Variants in CSMD1 observed in about 807,000 individuals in gnomAD.
The protein encoded by CSMD1 is CUB and sushi domain-containing protein 1.
CSMD1 carries 213 observed loss-of-function variants against 417.5 expected under a neutral mutation model. The ratio of observed to expected loss-of-function variants is 0.51; its 90% CI spans 0.46 to 0.57. CSMD1 has a LOEUF of 0.57. Ranked by LOEUF, CSMD1 falls within the 20% of genes least tolerant of loss-of-function variation. The pLI is 0.00. For synonymous variants in CSMD1, 2,862 were observed against 1,736.8 expected, an observed-to-expected ratio of 1.65 and a Z score of -16.11; for missense variants, 6,923 against 4,529.7, an observed-to-expected ratio of 1.53 and a Z score of -15.17.
intron 26 of CSMD1, among the ~76,000 whole-genome samples, chr8:3,253,422 A>G (rs1331633925): frequency 2.6e-5 from 4 of 152,070 alleles, no homozygotes; most frequent in Admixed American, 2.0e-4. Context: ...GTTCTTTTAC[A>G]TTTGCTGAGG....
chr8:4,192,972 G>C (rs1221703152), intron 3 of CSMD1, among the ~76,000 whole-genome samples: 5 of 152,238 alleles, frequency 3.3e-5, no homozygotes, highest in East Asian at 1.9e-4. Flanking sequence ...CATAATATTT[G>C]AGTGTTTTGC....
chr8:4,089,668 T>C (rs559335440), intron 3 of CSMD1, among the ~76,000 whole-genome samples: 6 of 152,308 alleles, frequency 3.9e-5, no homozygotes, highest in African/African-American at 1.4e-4. Context: ...ATGGGCTTAG[T>C]AAAGTGCTTA....
chr8:4,894,453 T>G (rs1198417567), intron 1 of CSMD1, among the ~76,000 whole-genome samples: 1 of 151,640 alleles, frequency 6.6e-6, no homozygotes, highest in East Asian at 1.9e-4. Context: ...CTTGGGAGGC[T>G]GAGGCAGGAG....
intron 7 of CSMD1, among the ~76,000 whole-genome samples, chr8:3,620,951 G>C (rs1204000944): frequency 6.6e-6 from 1 of 152,170 alleles, no homozygotes; most frequent in South Asian, 2.1e-4. Flanking sequence ...TGGAGATAGA[G>C]ACTTTAAAGA....
chr8:3,919,493 G>C (rs1404457766), intron 5 of CSMD1, among the ~76,000 whole-genome samples: 1 of 152,084 alleles, frequency 6.6e-6, no homozygotes, highest in Non-Finnish European at 1.5e-5. Flanking sequence ...ATTGGTCTAT[G>C]TGTCTGTTTT....
At chr8:4,592,460 C>T (rs1233269929) in intron 2 of CSMD1, among the ~76,000 whole-genome samples, 1 of 151,976 alleles carries the variant, frequency 6.6e-6, no homozygotes, top group African/African-American at 2.4e-5. Flanking sequence ...GACCTTGACT[C>T]ACTGCAACCT....
At chr8:3,073,652 T>C (rs1339293884) in intron 49 of CSMD1, among the ~76,000 whole-genome samples, 2 of 152,132 alleles carry the variant, frequency 1.3e-5, no homozygotes, top group African/African-American at 4.8e-5. Context: ...TCATAGACTA[T>C]AAAAGACATT....
intron 6 of CSMD1, among the ~76,000 whole-genome samples, chr8:3,733,504 G>A (rs893586236): frequency 1.3e-5 from 2 of 151,758 alleles, no homozygotes; most frequent in African/African-American, 4.8e-5. Flanking sequence ...ACGGTCAACC[G>A]CGTTCTGAAA....
At chr8:4,367,032 A>C (rs1474710714) in intron 3 of CSMD1, among the ~76,000 whole-genome samples, 1 of 152,042 alleles carries the variant, frequency 6.6e-6, no homozygotes, top group Non-Finnish European at 1.5e-5. Context: ...TTTGCTGTGC[A>C]GAAGCTTCTT....
At chr8:4,746,241 A>T (rs1673262) in intron 1 of CSMD1, among the ~76,000 whole-genome samples, 25,869 of 152,066 alleles carry the variant, frequency 0.17, 2,740 homozygotes, top group African/African-American at 0.31. Flanking sequence ...ATGGCCAACA[A>T]ATTCCAGCCA....
chr8:3,888,643 T>C (rs530827595), intron 5 of CSMD1, among the ~76,000 whole-genome samples: 1 of 152,030 alleles, frequency 6.6e-6, no homozygotes, highest in Non-Finnish European at 1.5e-5. Context: ...AAGTGCTCTA[T>C]CATGTTGAGA....
rs572633487 is a variant in CSMD1, at chr8:3,430,351, T to C, written c.1562-20746A>G. ...CATTTTGTATGTGTTGTATAGATTT[T>C]AAACTAGATTATAAACACCATGAGA... On this transcript the variant is annotated intron_variant, in intron 12 of 69. Transcript: ENST00000635120. Among the ~76,000 whole-genome samples, 4 of 152,344 alleles carry C rather than the reference T, an allele frequency of 2.6e-5. No homozygotes were observed. The East Asian group carries it at 5.8e-4, about 22-fold the overall frequency.
intron 5 of CSMD1, among the ~76,000 whole-genome samples, chr8:3,908,342 T>C (rs1332858127): frequency 6.6e-6 from 1 of 152,210 alleles, no homozygotes; most frequent in Non-Finnish European, 1.5e-5. Flanking sequence ...TTTTACTGAA[T>C]ATTTTATGCT....
At chr8:3,498,022 G>A (rs184221690) in intron 10 of CSMD1, among the ~76,000 whole-genome samples, 2 of 152,258 alleles carry the variant, frequency 1.3e-5, no homozygotes, top group Admixed American at 6.5e-5. Context: ...CCTCATCCGG[G>A]AATAATTTTA....
chr8:4,301,741 C>T lies in CSMD1; in HGVS notation c.415+118212G>A, dbSNP rs1797991439. On this transcript the variant is annotated intron_variant, in intron 3 of 69. Transcript: ENST00000635120. ...AGTCTGTTGCTGTGGGTTTCATCTTCACTATCATGTCCTGCCTCCTTAAAC... is the reference window on the plus strand; with the variant it reads ...AGTCTGTTGCTGTGGGTTTCATCTTTACTATCATGTCCTGCCTCCTTAAAC... Among the ~76,000 whole-genome samples, 8 of 152,122 alleles carry T rather than the reference C, an allele frequency of 5.3e-5. No individual in the cohort carries two copies. In the South Asian group the frequency reaches 1.5e-3, roughly 28 times the overall value.
intron 3 of CSMD1, among the ~76,000 whole-genome samples, chr8:4,190,460 A>T (rs1285821338): frequency 6.6e-6 from 1 of 152,054 alleles, no homozygotes; most frequent in African/African-American, 2.4e-5. Context: ...TCAGAGCCTA[A>T]CACTATTAGA....
intron 49 of CSMD1, among the ~76,000 whole-genome samples, chr8:3,083,116 A>G (rs1015811527): frequency 2.6e-5 from 4 of 152,084 alleles, no homozygotes; most frequent in African/African-American, 7.2e-5. Flanking sequence ...TTTTTATTTC[A>G]TAATTATGAA....
At chr8:4,463,923 G>C (rs1430798710) in intron 2 of CSMD1, among the ~76,000 whole-genome samples, 1 of 152,072 alleles carries the variant, frequency 6.6e-6, no homozygotes, top group Non-Finnish European at 1.5e-5. Flanking sequence ...CTGATTAAAA[G>C]AAAGCAGCAG....
intron 5 of CSMD1, among the ~76,000 whole-genome samples, chr8:3,846,618 A>G (rs1407383687): frequency 6.6e-6 from 1 of 150,724 alleles, no homozygotes; most frequent in African/African-American, 2.5e-5. Context: ...AGCAGTTATT[A>G]TCATTAACTC....
Sources: allele counts gnomAD v4.1 joint callset (sites outside exome capture counted in the v4.1 genomes callset), GRCh38; gene constraint gnomAD v4.1.1; transcripts MANE v1.5; gene names NCBI Gene and HGNC (gene_info 2026-07-23, HGNC 2026-07-21).